Variants in YWHAB observed in about 807,000 individuals in gnomAD.
YWHAB encodes the protein 14-3-3 protein beta/alpha.
YWHAB carries 2 observed loss-of-function variants against 28.5 expected under a neutral mutation model. The ratio of observed to expected loss-of-function variants is 0.07; its 90% CI spans 0.03 to 0.22. The LOEUF (loss-of-function observed/expected upper bound fraction) is 0.22, where lower values mean the gene tolerates loss of function less well. Ranked by LOEUF, YWHAB falls within the 10% of genes least tolerant of loss-of-function variation. The pLI is 1.00. For missense variants in YWHAB, 148 were observed against 297.1 expected (o/e 0.50, Z 3.69); for synonymous variants, 103 against 104.7 (o/e 0.98, Z 0.10).
intron 1 of YWHAB, among the ~76,000 whole-genome samples, chr20:44,897,236 A>G (rs1197136316): frequency 3.9e-5 from 6 of 152,232 alleles, no homozygotes; most frequent in African/African-American, 1.4e-4. Context: ...GAAGAGGTTG[A>G]TGGCATTATT....
In YWHAB at chr20:44,898,087, A is replaced by C. The variant is rs571004966; in HGVS notation, c.-3-3444A>C. On this transcript the variant is annotated intron_variant, in intron 1 of 5. Transcript: ENST00000353703. ...GTCATTTCTACTTATCTTTCATTGG[A>C]CAGAACTACCATGTGGCCTCTTCTG... is the stretch of plus-strand genomic sequence containing the variant. Among the ~76,000 whole-genome samples the C allele has an allele frequency of 3.9e-5, 6 of 152,258 alleles. No individual in the cohort carries two copies. In the South Asian group the frequency reaches 6.2e-4, roughly 16 times the overall value.
chr20:44,891,286 A>G (rs935986023), intron 1 of YWHAB, among the ~76,000 whole-genome samples: 23 of 152,012 alleles, frequency 1.5e-4, no homozygotes, highest in African/African-American at 5.6e-4. Flanking sequence ...TTATATATTT[A>G]GTAGAGACGG....
intron 2 of YWHAB, 79 bp from the exon 3 acceptor site, chr20:44,903,914 T>C (rs1204776566): frequency 3.4e-6 from 5 of 1,481,872 alleles, no homozygotes; most frequent in African/African-American, 2.9e-5. Context: ...TTAGAAGCAG[T>C]AGTGTATATC....
chr20:44,893,903 G>T (rs2066579274), intron 1 of YWHAB, among the ~76,000 whole-genome samples: 1 of 151,868 alleles, frequency 6.6e-6, no homozygotes, highest in African/African-American at 2.4e-5. Context: ...CACCACATTG[G>T]CCACGCTGGT....
chr20:44,906,509 A>T lies in YWHAB; in HGVS notation c.*71A>T. ...AACATATATCCCTTGTGCGATAAAA[A>T]AAAAAAAAAAAAAAAAAAGAGAATC... On this transcript the variant is annotated 3_prime_UTR_variant, in exon 6 of 6. Coordinates refer to ENST00000353703, the MANE Select transcript of YWHAB (RefSeq NM_139323.4). 9 of 960,050 alleles carry T rather than the reference A, an allele frequency of 9.4e-6. No homozygotes were observed. Among genetic ancestry groups the T allele is most frequent in the East Asian group, 5.9e-5 (2 of 33,892 alleles). 59.5% of individuals were successfully genotyped at this position (960,050 alleles called of 1,614,324 possible).
At chr20:44,898,016 T>C (rs1327422963) in intron 1 of YWHAB, among the ~76,000 whole-genome samples, 1 of 152,092 alleles carries the variant, frequency 6.6e-6, no homozygotes, top group Admixed American at 6.6e-5. Context: ...GAAAAGAGCC[T>C]GGGGAGGCAC....
intron 1 of YWHAB, among the ~76,000 whole-genome samples, chr20:44,900,335 T>C (rs1005289404): frequency 4.6e-5 from 7 of 152,202 alleles, no homozygotes; most frequent in Admixed American, 2.0e-4. Context: ...AGTGTTCTTA[T>C]TGCCCAGTAG....
rs1237215969 is a variant in YWHAB, at chr20:44,907,764, T to G, written c.*1326T>G. On this transcript the variant is annotated 3_prime_UTR_variant, in exon 6 of 6. Transcript: ENST00000353703. ...GGTGAGCAAGCCTGGCTTTAAAGAT[T>G]GGAGAAGAGCTTCTGGCACCAGAAC... The G allele has an allele frequency of 6.6e-6, 1 of 152,256 alleles. No homozygotes were observed. The highest frequency in any genetic ancestry group is 1.5e-5 in the Non-Finnish European group (1 of 68,054). 9.4% of individuals were successfully genotyped at this position (152,256 alleles called of 1,614,324 possible). A position where few individuals can be genotyped will look rare whatever the true frequency, so the allele number is the denominator to read the frequency against.
At chr20:44,903,844 A>G (rs2066641027) in intron 2 of YWHAB, 149 bp from the exon 3 acceptor site, 9 of 880,032 alleles carry the variant, frequency 1.0e-5, no homozygotes, top group Non-Finnish European at 1.5e-5. Flanking sequence ...GACCTGGGCT[A>G]AACAACATTT....
At chr20:44,890,837 T>C (rs2066557378) in intron 1 of YWHAB, among the ~76,000 whole-genome samples, 1 of 151,762 alleles carries the variant, frequency 6.6e-6, no homozygotes, top group Non-Finnish European at 1.5e-5. Flanking sequence ...CACAATCCGG[T>C]GTGGGAGCCA....
At chr20:44,897,006 G>A (rs934945786) in intron 1 of YWHAB, among the ~76,000 whole-genome samples, 1 of 152,132 alleles carries the variant, frequency 6.6e-6, no homozygotes, top group Non-Finnish European at 1.5e-5. Flanking sequence ...TTGCCATGAT[G>A]GTTCTCAATC....
rs758462959 is a variant in YWHAB at position 44,905,085 on chromosome 20, A to G, written c.542A>G (p.Tyr181Cys). The G allele has an allele frequency of 4.3e-6, 7 of 1,613,316 alleles. No individual in the cohort carries two copies. Among genetic ancestry groups the G allele is most frequent in the Admixed American group, 1.7e-5 (1 of 59,928 alleles). The stretch of plus-strand genomic sequence containing the variant: ...GCACTAAATTTCTCAGTCTTTTACT[A>G]TGAGATTCTAAACTCTCCTGAAAAG... ...GLALNFSVFY[Y>C]EILNSPEKAC... The change falls in exon 4 of 6, where the codon TAT becomes TGT. Residue 181 changes from tyrosine (Y) to cysteine (C), a missense_variant. By Grantham distance (194) the Tyr-to-Cys change is radical. Coordinates refer to ENST00000353703, the MANE Select transcript of YWHAB (RefSeq NM_139323.4).
At chr20:44,901,502 T>C (rs1289526217) in intron 1 of YWHAB, 29 bp from the exon 2 acceptor site, 3 of 1,551,238 alleles carry the variant, frequency 1.9e-6, no homozygotes, top group Non-Finnish European at 1.7e-6. Flanking sequence ...TGACATTTGC[T>C]CTTTCTTTTT....
At chr20:44,888,523 A>G (rs997609421) in intron 1 of YWHAB, among the ~76,000 whole-genome samples, 4 of 152,242 alleles carry the variant, frequency 2.6e-5, no homozygotes, top group African/African-American at 9.6e-5. Context: ...GAGGAATGAT[A>G]TTATAGATTT....
At chr20:44,902,646 C>T (rs1601097132) in intron 2 of YWHAB, 1 of 152,256 alleles carries the variant, frequency 6.6e-6, no homozygotes, top group East Asian at 1.9e-4. Context: ...CAGTATAAAG[C>T]TTGTCAGCCA....
intron 5 of YWHAB, 32 bp from the exon 6 acceptor site, chr20:44,906,350 C>A: frequency 6.2e-7 from 1 of 1,611,686 alleles, no homozygotes; most frequent in Non-Finnish European, 8.5e-7. Context: ...TTTTAGTAGC[C>A]CTGCTTTGAT....
Position 44,906,003 on chromosome 20 carries a change from A to C in YWHAB, c.591A>C (p.Ala197=), listed in dbSNP as rs2066653767. The C allele has an allele frequency of 1.2e-6, 2 of 1,612,282 alleles. No homozygotes were observed. The highest frequency in any genetic ancestry group is 4.5e-5 in the East Asian group (2 of 44,848). ...TTGCTAAAGGCTCTTTGTTTTAGGCATTTGATGAAGCAATTGCTGAATTGG... is the reference window on the plus strand; with the variant it reads ...TTGCTAAAGGCTCTTTGTTTTAGGCCTTTGATGAAGCAATTGCTGAATTGG... ...PEKACSLAKT[A]FDEAIAELDT... Residue 197 remains alanine, a splice_region_variant and synonymous_variant, in exon 5 of 6, where the codon GCA becomes GCC. Coordinates refer to ENST00000353703, the MANE Select transcript of YWHAB (RefSeq NM_139323.4).
chr20:44,892,796 AC>A (rs2066570542), intron 1 of YWHAB, among the ~76,000 whole-genome samples: 1 of 152,244 alleles, frequency 6.6e-6, no homozygotes, highest in Non-Finnish European at 1.5e-5. Context: ...TAGAAAAATC[AC>A]CTACTTTCTC....
At chr20:44,889,164 C>T (rs2066545464) in intron 1 of YWHAB, among the ~76,000 whole-genome samples, 1 of 152,134 alleles carries the variant, frequency 6.6e-6, no homozygotes, top group African/African-American at 2.4e-5. Flanking sequence ...AACCTTTAAG[C>T]TTTAGAATCC....
Sources: allele counts gnomAD v4.1 joint callset (sites outside exome capture counted in the v4.1 genomes callset), GRCh38; gene constraint gnomAD v4.1.1; transcripts MANE v1.5; gene names NCBI Gene and HGNC (gene_info 2026-07-23, HGNC 2026-07-21).